The following DOCK8 variants were observed in gnomAD, a reference collection of about 807,000 sequenced individuals.
DOCK8 encodes the protein dedicator of cytokinesis 8, also known as dedicator of cytokinesis protein 8.
DOCK8 carries 141 observed loss-of-function variants against 245.6 expected under a neutral mutation model. The observed-to-expected ratio is 0.57, with a 90% CI of 0.50 to 0.66. The LOEUF is 0.66. Ranked by LOEUF, DOCK8 falls within the 30% of genes least tolerant of loss-of-function variation. DOCK8 has a pLI of 0.00. For synonymous variants in DOCK8, 1,168 were observed against 970.2 expected (o/e 1.20, Z -3.79); for missense variants, 2,965 against 2,603.4 (o/e 1.14, Z -3.02).
At chr9:284,928 C>G (rs1224909727) in intron 2 of DOCK8, among the ~76,000 whole-genome samples, 1 of 152,184 alleles carries the variant, frequency 6.6e-6, no homozygotes, top group Non-Finnish European at 1.5e-5. Context: ...ACAACAGACA[C>G]TGTGGCCTAC....
At position 434,588 on chromosome 9, in the gene DOCK8, T is replaced by C. The variant is rs559632796; in HGVS notation, c.4887-195T>C. The stretch of plus-strand genomic sequence containing the variant: ...ACTATTTCTTGGAGGTCAGCACAGC[T>C]TAAACATGGAATAAAAATAGTTGGA... On this transcript the variant is annotated intron_variant, in intron 38 of 47. Coordinates refer to ENST00000432829, the MANE Select transcript of DOCK8 (RefSeq NM_203447.4). Among the ~76,000 whole-genome samples, 3 of 152,294 alleles carry C rather than the reference T, an allele frequency of 2.0e-5. No homozygotes were observed. The East Asian group carries it at 5.8e-4, about 29-fold the overall frequency.
In DOCK8 at chr9:304,636, T is replaced by C; in HGVS notation, c.460T>C (p.Phe154Leu). ...GFKKTGSRKDFHKTLPKQTFE... is the reference protein window; with the variant it reads ...GFKKTGSRKDLHKTLPKQTFE... Reference sequence around the variant, plus strand: ...TAAAAAGACTGGATCTCGAAAAGATTTTCACAAGACGCTTCCGAAACAGAC... The same window carrying C: ...TAAAAAGACTGGATCTCGAAAAGATCTTCACAAGACGCTTCCGAAACAGAC... The change falls in exon 5 of 48, where the codon TTT (phenylalanine) becomes CTT (leucine). Residue 154 changes from phenylalanine (F) to leucine (L), a missense_variant. Around this residue, in one of 3 missense-constraint regions of DOCK8, gnomAD observed 2,825 missense variants for 2,453.5 expected, o/e 1.15. Coordinates refer to ENST00000432829, the MANE Select transcript of DOCK8 (RefSeq NM_203447.4). The C allele has an allele frequency of 1.2e-6, 2 of 1,614,196 alleles. No homozygotes were observed. Among genetic ancestry groups the C allele is most frequent in the Non-Finnish European group, 1.7e-6 (2 of 1,180,030 alleles).
At chr9:238,466 G>C (rs1209549160) in intron 1 of DOCK8, among the ~76,000 whole-genome samples, 2 of 152,066 alleles carry the variant, frequency 1.3e-5, no homozygotes, top group Non-Finnish European at 2.9e-5. Flanking sequence ...CATGGACAAA[G>C]TAAAATAAAC....
chr9:371,490 A>G lies in DOCK8; in HGVS notation c.1931A>G (p.His644Arg), dbSNP rs1200802460. The G allele has an allele frequency of 1.2e-6, 2 of 1,614,108 alleles. No individual in the cohort carries two copies. Among genetic ancestry groups the G allele is most frequent in the Non-Finnish European group, 1.7e-6 (2 of 1,180,018 alleles). ...CCCGCTAAGCTCACAGTAAATCACC[A>G]CCTCCTGTTCACCTTCTACCATATC... ...KLPAKLTVNH[H>R]LLFTFYHISC... is the part of the protein sequence containing the mutation. Residue 644 changes from histidine to arginine, a missense_variant, in exon 17 of 48, where the codon CAC (histidine) becomes CGC (arginine). By Grantham distance (29) the His-to-Arg change is conservative. This residue lies in a region of DOCK8 where 2,825 missense variants were observed against 2,453.5 expected (regional missense o/e 1.15). Coordinates refer to ENST00000432829, the MANE Select transcript of DOCK8 (RefSeq NM_203447.4).
At chr9:342,478 G>T (rs1192524913) in intron 14 of DOCK8, among the ~76,000 whole-genome samples, 2 of 149,816 alleles carry the variant, frequency 1.3e-5, no homozygotes, top group African/African-American at 4.9e-5. Flanking sequence ...TCGTTTTTTT[G>T]TTTTTTTTTG....
At chr9:301,217 A>G (rs1486919224) in intron 4 of DOCK8, among the ~76,000 whole-genome samples, 2 of 152,222 alleles carry the variant, frequency 1.3e-5, no homozygotes, top group Non-Finnish European at 2.9e-5. Flanking sequence ...GACTCATCAC[A>G]TAGACAGAAT....
chr9:340,201 A>G lies in DOCK8; in HGVS notation c.1559A>G (p.Asn520Ser), dbSNP rs190532814. ...ATTTCTACAGCTCCAGAGATCATCAATTGCTGTCTGACTCCTGAAATGCTG... is the reference window on the plus strand; with the variant it reads ...ATTTCTACAGCTCCAGAGATCATCAGTTGCTGTCTGACTCCTGAAATGCTG... ...LEISTAPEII[N>S]CCLTPEMLPV... Residue 520 changes from asparagine to serine, a missense_variant, in exon 14 of 48, where the codon AAT becomes AGT. Physicochemically the swap from Asn to Ser is conservative, Grantham distance 46. Coordinates refer to ENST00000432829, the MANE Select transcript of DOCK8 (RefSeq NM_203447.4). 26 of 1,614,144 alleles carry G rather than the reference A, an allele frequency of 1.6e-5. No individual in the cohort carries two copies. The African/African-American group carries it at 2.3e-4, about 14-fold the overall frequency.
rs550984354 is a variant in DOCK8 at position 423,481 on chromosome 9, G to C, written c.4241+1346G>C. On this transcript the variant is annotated intron_variant, in intron 33 of 47. Coordinates refer to ENST00000432829, the MANE Select transcript of DOCK8 (RefSeq NM_203447.4). ...ATGAAGCACCCATCAAAGGGGGTAT[G>C]GGGCAGACTTGATTAGCAGTGCTGT... Among the ~76,000 whole-genome samples, 6 of 152,298 alleles carry C rather than the reference G, an allele frequency of 3.9e-5. No individual in the cohort carries two copies. The South Asian group carries it at 1.2e-3, about 32-fold the overall frequency.
intron 14 of DOCK8, among the ~76,000 whole-genome samples, chr9:349,308 C>T (rs1489396448): frequency 6.8e-6 from 1 of 147,154 alleles, no homozygotes; most frequent in Non-Finnish European, 1.5e-5. Context: ...GATTCTAAAA[C>T]TTTCAAAAAA....
chr9:443,314 C>T, intron 42 of DOCK8, 113 bp from the exon 43 acceptor site: 2 of 997,568 alleles, frequency 2.0e-6, no homozygotes, highest in South Asian at 2.7e-5. Context: ...TCTCAATAAT[C>T]AGTGAACATC....
At chr9:448,041 T>G (rs1413189465) in intron 44 of DOCK8, among the ~76,000 whole-genome samples, 1 of 152,210 alleles carries the variant, frequency 6.6e-6, no homozygotes, top group Non-Finnish European at 1.5e-5. Context: ...CTGCCTTCCT[T>G]TCCTTTCCTT....
chr9:237,584 G>A (rs2047283776), intron 1 of DOCK8, among the ~76,000 whole-genome samples: 1 of 152,188 alleles, frequency 6.6e-6, no homozygotes, highest in African/African-American at 2.4e-5. Context: ...GAGCCTGGGA[G>A]GTTGAGGCTT....
chr9:390,707 C>G (rs1291495897), intron 24 of DOCK8, 141 bp downstream of exon 24: 1 of 766,430 alleles, frequency 1.3e-6, no homozygotes, highest in Non-Finnish European at 2.3e-6. Flanking sequence ...TCTCACCCCT[C>G]CCATCCTTCT....
At chr9:339,120 T>C (rs756693110) in intron 13 of DOCK8, 21 bp downstream of exon 13, 3 of 1,606,790 alleles carry the variant, frequency 1.9e-6, no homozygotes, top group Admixed American at 1.7e-5. Flanking sequence ...CTTATCTTTA[T>C]CCTCTTTAGC....
intron 2 of DOCK8, among the ~76,000 whole-genome samples, chr9:285,173 A>C (rs1164426423): frequency 1.3e-5 from 2 of 151,900 alleles, no homozygotes; most frequent in African/African-American, 4.8e-5. Context: ...AACTTACGCC[A>C]CTCATGTCTC....
rs901860960 is a variant in DOCK8 at position 356,516 on chromosome 9, C to T, written c.1680-11502C>T. On this transcript the variant is annotated intron_variant, in intron 14 of 47. Coordinates refer to ENST00000432829, the MANE Select transcript of DOCK8 (RefSeq NM_203447.4). ...CTGCACTCCAGCCTGGGCTACAGAG[C>T]GAGACTCTGTCTCAAAAAAAAAAAA... 9.9e-5 allele frequency among the ~76,000 whole-genome samples: 14 copies of T among 141,842 alleles called. 1 individual carries two copies. The highest frequency in any genetic ancestry group is 9.1e-4 in the South Asian group (4 of 4,408). The allele number at this position is 141,842 out of a possible 152,430, so 93.1% of individuals were successfully genotyped here.
chr9:225,817 T>G (rs1012028786), intron 1 of DOCK8, among the ~76,000 whole-genome samples: 2 of 152,022 alleles, frequency 1.3e-5, no homozygotes, highest in Non-Finnish European at 2.9e-5. Context: ...AAGGAAAGCA[T>G]CTCTTAGAGA....
At chr9:416,576 G>C (rs1005959147) in intron 29 of DOCK8, among the ~76,000 whole-genome samples, 3 of 152,154 alleles carry the variant, frequency 2.0e-5, no homozygotes, top group South Asian at 4.1e-4. Flanking sequence ...TATTGTTATA[G>C]GTTACACAGT....
intron 26 of DOCK8, among the ~76,000 whole-genome samples, chr9:401,067 C>G (rs1586921129): frequency 2.3e-5 from 1 of 43,570 alleles, no homozygotes; most frequent in East Asian, 6.2e-4. Context: ...ATCATTGTCA[C>G]CATCATCACC....
Sources: allele counts gnomAD v4.1 joint callset (sites outside exome capture counted in the v4.1 genomes callset), GRCh38; gene constraint gnomAD v4.1.1; regional missense constraint gnomAD v4.1.1; transcripts MANE v1.5; gene names NCBI Gene and HGNC (gene_info 2026-07-23, HGNC 2026-07-21).